The following SLC25A21 variants were observed in gnomAD, a reference collection of about 807,000 sequenced individuals.
SLC25A21 encodes solute carrier family 25 member 21.
Under a neutral mutation model 43.8 loss-of-function variants are expected in SLC25A21, and 47 were observed. The observed-to-expected ratio is 1.07, with a 90% CI of 0.85 to 1.37. The LOEUF (loss-of-function observed/expected upper bound fraction) is 1.37. Ranked by LOEUF, SLC25A21 falls within the 40% of genes most tolerant of loss-of-function variation. SLC25A21 has a pLI of 0.00. For synonymous variants in SLC25A21, 131 were observed against 121.3 expected (o/e 1.08, Z -0.52); for missense variants, 352 against 350.2 (o/e 1.00, Z -0.04).
At chr14:36,765,663 G>A (rs1886385527) in intron 3 of SLC25A21, among the ~76,000 whole-genome samples, 1 of 152,214 alleles carries the variant, frequency 6.6e-6, no homozygotes, top group East Asian at 1.9e-4. Context: ...ACACTGTACT[G>A]TCTTGGCATT....
chr14:37,025,060 TA>T (rs972464777), intron 1 of SLC25A21, among the ~76,000 whole-genome samples: 22 of 151,352 alleles, frequency 1.5e-4, no homozygotes, highest in Non-Finnish European at 2.2e-4. Flanking sequence ...AGTATCTTTT[TA>T]AAAAAAAATA....
intron 1 of SLC25A21, among the ~76,000 whole-genome samples, chr14:36,912,003 A>G (rs1186741770): frequency 6.6e-6 from 1 of 152,138 alleles, no homozygotes; most frequent in Non-Finnish European, 1.5e-5. Context: ...AATTATAACT[A>G]CTTATTTTTT....
chr14:37,039,814 A>T (rs1321008964), intron 1 of SLC25A21, among the ~76,000 whole-genome samples: 1 of 152,188 alleles, frequency 6.6e-6, no homozygotes, highest in East Asian at 1.9e-4. Flanking sequence ...GAGGGAGATA[A>T]TCACGGAGGT....
intron 1 of SLC25A21, among the ~76,000 whole-genome samples, chr14:37,120,865 A>C (rs1963195014): frequency 6.6e-6 from 1 of 152,072 alleles, no homozygotes; most frequent in East Asian, 1.9e-4. Flanking sequence ...AAGAGAGAGA[A>C]TGTCCTAATT....
chr14:37,169,580 A>AACACACACACACAC (rs1321339179), intron 1 of SLC25A21, among the ~76,000 whole-genome samples: 3,125 of 145,226 alleles, frequency 0.022, 66 homozygotes, highest in African/African-American at 0.046. Flanking sequence ...AAAAGGTCAT[A>AACACACACACACAC]ACACACACAC....
At chr14:36,934,132 A>G (rs919786632) in intron 1 of SLC25A21, among the ~76,000 whole-genome samples, 2 of 152,154 alleles carry the variant, frequency 1.3e-5, no homozygotes, top group African/African-American at 2.4e-5. Context: ...GTATTTGGTT[A>G]AGCCCAAATT....
At position 36,917,224 on chromosome 14, in the gene SLC25A21, T is replaced by C. The variant is rs112691443; in HGVS notation, c.71-42220A>G. Among the ~76,000 whole-genome samples, 635 of 152,194 alleles carry C rather than the reference T, an allele frequency of 4.2e-3. 7 individuals carry two copies. Among genetic ancestry groups the C allele is most frequent in the African/African-American group, 0.015 (606 of 41,538 alleles). On this transcript the variant is annotated intron_variant, in intron 1 of 9. Coordinates refer to ENST00000331299, the MANE Select transcript of SLC25A21 (RefSeq NM_030631.4). ...CACTTACCCATAGAAGAAAGAGTTA[T>C]CAAACCCCATTCCCCTCATCCAGGC...
In SLC25A21 at chr14:37,138,687, T is replaced by C. The variant is rs1389469961; in HGVS notation, c.70+33594A>G. Among the ~76,000 whole-genome samples the C allele has an allele frequency of 3.9e-5, 6 of 152,224 alleles. No individual in the cohort carries two copies. The East Asian group carries it at 5.8e-4, about 15-fold the overall frequency. On this transcript the variant is annotated intron_variant, in intron 1 of 9. Transcript: ENST00000331299. ...ACCTCCAACTGCTAATTTTCCTTCA[T>C]TGAAATGTTAAATATTATTTATGAG...
At chr14:37,044,346 T>C (rs1961542606) in intron 1 of SLC25A21, among the ~76,000 whole-genome samples, 1 of 152,096 alleles carries the variant, frequency 6.6e-6, no homozygotes, top group Admixed American at 6.6e-5. Flanking sequence ...AAAAGAAAAA[T>C]ACAAATATTT....
chr14:37,046,543 C>A (rs754045896), intron 1 of SLC25A21, among the ~76,000 whole-genome samples: 1 of 152,120 alleles, frequency 6.6e-6, no homozygotes, highest in Non-Finnish European at 1.5e-5. Context: ...CCACTCCCTA[C>A]GGTCATGTTG....
intron 1 of SLC25A21, among the ~76,000 whole-genome samples, chr14:36,986,995 G>A (rs1960161501): frequency 6.6e-6 from 1 of 152,090 alleles, no homozygotes; most frequent in Non-Finnish European, 1.5e-5. Context: ...GAAACACCAT[G>A]AGACTCTCTG....
chr14:36,761,329 G>A (rs1886148562), intron 3 of SLC25A21, among the ~76,000 whole-genome samples: 2 of 152,174 alleles, frequency 1.3e-5, no homozygotes, highest in South Asian at 2.1e-4. Context: ...TGTCCTTCAC[G>A]AGAGCATTCA....
rs193180239 is a variant in SLC25A21 at position 37,026,526 on chromosome 14, T to C, written c.70+145755A>G. Among the ~76,000 whole-genome samples, 11 of 152,026 alleles carry C rather than the reference T, an allele frequency of 7.2e-5. No homozygotes were observed. In the East Asian group the frequency reaches 2.1e-3, roughly 29 times the overall value. On this transcript the variant is annotated intron_variant, in intron 1 of 9. Transcript: ENST00000331299. Reference sequence around the variant, plus strand: ...ATGAGATTAGATCATCTATGTAGCTTATACCCCAACCCAAACCAGCATCCA... The same window carrying C: ...ATGAGATTAGATCATCTATGTAGCTCATACCCCAACCCAAACCAGCATCCA...
At chr14:36,691,310 A>G (rs1882785610) in intron 7 of SLC25A21, among the ~76,000 whole-genome samples, 1 of 152,200 alleles carries the variant, frequency 6.6e-6, no homozygotes, top group African/African-American at 2.4e-5. Flanking sequence ...GAATCACAAG[A>G]CTAGGAGTGA....
chr14:37,027,319 T>C (rs937663105), intron 1 of SLC25A21, among the ~76,000 whole-genome samples: 9 of 152,212 alleles, frequency 5.9e-5, no homozygotes, highest in Non-Finnish European at 1.2e-4. Context: ...CTGATATTCA[T>C]TTCCCTAGTT....
intron 1 of SLC25A21, among the ~76,000 whole-genome samples, chr14:37,043,307 C>A (rs1040915882): frequency 1.3e-5 from 2 of 152,214 alleles, no homozygotes; most frequent in East Asian, 3.8e-4. Context: ...TCTGAGCAAA[C>A]CATTCCTGCT....
chr14:36,806,061 A>G (rs560106294), intron 3 of SLC25A21, among the ~76,000 whole-genome samples: 1 of 144,824 alleles, frequency 6.9e-6, no homozygotes, highest in Non-Finnish European at 1.5e-5. Context: ...CTAAAGATAT[A>G]AAAAATTAGC....
chr14:36,813,869 C>G (rs1566639758), intron 3 of SLC25A21, 49 bp downstream of exon 3: 1 of 1,305,840 alleles, frequency 7.7e-7, no homozygotes, highest in East Asian at 2.4e-5. Context: ...AATGAGAAAA[C>G]ATGTTAAGTA....
chr14:36,701,745 G>A (rs576576202), intron 7 of SLC25A21, among the ~76,000 whole-genome samples: 108 of 152,212 alleles, frequency 7.1e-4, no homozygotes, highest in Admixed American at 1.8e-3. Context: ...TATGTATTGA[G>A]TATTATATAG....
Sources: gnomAD v4.1 joint callset for allele counts (sites outside exome capture counted in the v4.1 genomes callset) on GRCh38, gnomAD v4.1.1 for gene constraint, MANE v1.5 for transcripts, NCBI Gene and HGNC (gene_info 2026-07-23, HGNC 2026-07-21) for gene names.